The following ASPSCR1 variants were observed in gnomAD, a reference collection of about 807,000 sequenced individuals.
The protein encoded by ASPSCR1 is tether containing UBX domain for GLUT4.
Under a neutral mutation model 68.9 loss-of-function variants are expected in ASPSCR1, and 55 were observed. The observed-to-expected ratio is 0.80, with a 90% CI of 0.64 to 1.00. ASPSCR1 has a LOEUF of 1.00. Among genes scored for constraint, ASPSCR1 ranks in the 50% least tolerant of loss-of-function variants. ASPSCR1 has a pLI of 0.00. For synonymous variants in ASPSCR1, 352 were observed against 332.6 expected, an observed-to-expected ratio of 1.06 and a Z score of -0.63; for missense variants, 765 against 762.2, an observed-to-expected ratio of 1.00 and a Z score of -0.04.
intron 7 of ASPSCR1, among the ~76,000 whole-genome samples, chr17:82,001,809 ACT>A (rs1342662208): frequency 6.6e-6 from 1 of 151,698 alleles, no homozygotes; most frequent in Non-Finnish European, 1.5e-5. Context: ...CAGCCTCCAG[ACT>A]CTGCCCTGCG....
Position 81,977,793 on chromosome 17 carries a change from G to A in ASPSCR1, c.102+45G>A, listed in dbSNP as rs1472599759. ...GCGGACGGGTAGGCGGGCGGGGGGC[G>A]CTGCGCCGAGGCCCCGCCCATTGCG... On this transcript the variant is annotated intron_variant, in intron 1 of 15. Coordinates refer to ENST00000306739, the MANE Select transcript of ASPSCR1 (RefSeq NM_024083.4). The surrounding 1 kb of genome is among the most constrained non-coding windows in gnomAD (Gnocchi z 5.0). 6.7e-6 allele frequency: 8 copies of A among 1,192,430 alleles called. No homozygotes were observed. The East Asian group carries it at 2.1e-4, about 31-fold the overall frequency. The allele number at this position is 1,192,430 out of a possible 1,614,324, so 73.9% of individuals were successfully genotyped here.
Position 81,977,659 on chromosome 17 carries a change from GC to G in ASPSCR1, c.14del (p.Ala5GlufsTer20). The G allele has an allele frequency of 7.2e-7, 1 of 1,396,656 alleles. No homozygotes were observed. Among genetic ancestry groups the G allele is most frequent in the South Asian group, 1.4e-5 (1 of 69,020 alleles). The allele number at this position is 1,396,656 out of a possible 1,614,324, so 86.5% of individuals were successfully genotyped here. On this transcript the variant is annotated frameshift_variant, in exon 1 of 16. Coordinates refer to ENST00000306739, the MANE Select transcript of ASPSCR1 (RefSeq NM_024083.4). LOFTEE classifies it high-confidence loss of function. This position sits in a 1 kb window ranked among gnomAD's most constrained non-coding sequence, Gnocchi z 5.0. MAAPAGGGGSAVSVL... is the reference protein window; with the variant it reads MAAPXGGGGSAVSVL... The stretch of plus-strand genomic sequence containing the variant: ...ACGTGAGCGGAAAATGGCGGCCCCG[GC>G]AGGCGGCGGAGGCTCCGCGGTGTCG...
intron 7 of ASPSCR1, among the ~76,000 whole-genome samples, chr17:81,998,362 G>C (rs2042424641): frequency 6.6e-6 from 1 of 152,252 alleles, no homozygotes; most frequent in South Asian, 2.1e-4. Context: ...GTGGCGTCTT[G>C]GTTTCTGTCG....
In ASPSCR1 at chr17:81,989,933, G is replaced by A. The variant is rs972610162; in HGVS notation, c.374+4326G>A. Among the ~76,000 whole-genome samples the A allele has an allele frequency of 5.3e-5, 8 of 152,206 alleles. No homozygotes were observed. The East Asian group carries it at 1.3e-3, about 26-fold the overall frequency. ...CACCTGAGTAGCTGGGATTACTGGC[G>A]CACGCCATCACGCCTGGCTAATTTT... On this transcript the variant is annotated intron_variant, in intron 4 of 15. Coordinates refer to ENST00000306739, the MANE Select transcript of ASPSCR1 (RefSeq NM_024083.4).
chr17:81,996,276 T>G (rs963996232), intron 6 of ASPSCR1, 144 bp from the exon 7 acceptor site: 3 of 1,310,516 alleles, frequency 2.3e-6, no homozygotes, highest in Non-Finnish European at 2.9e-6. Flanking sequence ...CGGTGGATCT[T>G]GGGAGGGCGC....
Position 81,986,972 on chromosome 17 carries a change from C to T in ASPSCR1, c.374+1365C>T, listed in dbSNP as rs571657886. Among the ~76,000 whole-genome samples the T allele has an allele frequency of 5.3e-5, 8 of 152,250 alleles. No individual in the cohort carries two copies. Among genetic ancestry groups the T allele is most frequent in the South Asian group, 4.1e-4 (2 of 4,822 alleles). On this transcript the variant is annotated intron_variant, in intron 4 of 15. Coordinates refer to ENST00000306739, the MANE Select transcript of ASPSCR1 (RefSeq NM_024083.4). The surrounding 1 kb of genome is among the most constrained non-coding windows in gnomAD (Gnocchi z 5.2). ...GATGGCAGCGGGTTAAGCACGAGCA[C>T]GGAATTCTCCCTCCCAAAACGGAAC...
intron 4 of ASPSCR1, among the ~76,000 whole-genome samples, chr17:81,988,388 G>A (rs186425713): frequency 6.6e-6 from 1 of 151,814 alleles, no homozygotes; most frequent in Non-Finnish European, 1.5e-5. Context: ...CCGGGAGGCG[G>A]AGGTTGTAGT....
chr17:82,012,471 C>T (rs1414726185), intron 12 of ASPSCR1, among the ~76,000 whole-genome samples, 188 bp downstream of exon 12: 1 of 152,184 alleles, frequency 6.6e-6, no homozygotes, highest in Admixed American at 6.5e-5. Flanking sequence ...GGCTTTCCGG[C>T]CTCCTCTGCT....
chr17:81,995,911 G>T (rs1444451277), intron 5 of ASPSCR1, 81 bp from the exon 6 acceptor site: 28 of 1,403,850 alleles, frequency 2.0e-5, no homozygotes, highest in Non-Finnish European at 2.7e-5. Context: ...TGTGGTCCTG[G>T]TGGTGCCGGT....
Position 82,012,028 on chromosome 17 carries a change from G to A in ASPSCR1, c.1301-203G>A, listed in dbSNP as rs569662075. 40 of 693,698 alleles carry A rather than the reference G, an allele frequency of 5.8e-5. No individual in the cohort carries two copies. The East Asian group carries it at 1.0e-3, about 18-fold the overall frequency. 43.0% of individuals were successfully genotyped at this position (693,698 alleles called of 1,614,324 possible). Reference sequence around the variant, plus strand: ...CCGGGCTGCACGGGTGGTGTCCCCTGCAGGTGGGCCTGCCCCCCACCGGCC... The same window carrying A: ...CCGGGCTGCACGGGTGGTGTCCCCTACAGGTGGGCCTGCCCCCCACCGGCC... On this transcript the variant is annotated intron_variant, in intron 11 of 15. Coordinates refer to ENST00000306739, the MANE Select transcript of ASPSCR1 (RefSeq NM_024083.4).
chr17:82,000,605 A>G (rs2042497636), intron 7 of ASPSCR1, among the ~76,000 whole-genome samples: 1 of 152,242 alleles, frequency 6.6e-6, no homozygotes, highest in South Asian at 2.1e-4. Context: ...CAAGTTTCCC[A>G]TTAATGTTTT....
At chr17:82,000,463 G>A (rs757526444) in intron 7 of ASPSCR1, among the ~76,000 whole-genome samples, 17 of 152,162 alleles carry the variant, frequency 1.1e-4, no homozygotes, top group East Asian at 1.9e-4. Context: ...GCCGCCAGCC[G>A]CACACGCAGA....
At chr17:81,988,155 A>C (rs1164470117) in intron 4 of ASPSCR1, among the ~76,000 whole-genome samples, 1 of 151,594 alleles carries the variant, frequency 6.6e-6, no homozygotes, top group African/African-American at 2.4e-5. Flanking sequence ...TCTCAAAAAA[A>C]AAAAAAAAAG....
At chr17:81,988,929 C>T (rs750468946) in intron 4 of ASPSCR1, among the ~76,000 whole-genome samples, 28 of 152,174 alleles carry the variant, frequency 1.8e-4, no homozygotes, top group African/African-American at 3.1e-4. Context: ...ATTTCCAGGC[C>T]GGGCATGGCG....
rs1311041242 is a variant in ASPSCR1 at position 81,977,786 on chromosome 17, G to T, written c.102+38G>T. 4 of 1,204,372 alleles carry T rather than the reference G, an allele frequency of 3.3e-6. No individual in the cohort carries two copies. The highest frequency in any genetic ancestry group is 3.2e-5 in the African/African-American group (2 of 63,092). The allele number at this position is 1,204,372 out of a possible 1,614,324, so 74.6% of individuals were successfully genotyped here. ...GCCCGGGGCGGACGGGTAGGCGGGC[G>T]GGGGGCGCTGCGCCGAGGCCCCGCC... On this transcript the variant is annotated intron_variant, in intron 1 of 15. Coordinates refer to ENST00000306739, the MANE Select transcript of ASPSCR1 (RefSeq NM_024083.4). The surrounding 1 kb of genome is among the most constrained non-coding windows in gnomAD (Gnocchi z 5.0).
In ASPSCR1 at chr17:81,989,944, C is replaced by T. The variant is rs552168285; in HGVS notation, c.374+4337C>T. ...CTGGGATTACTGGCGCACGCCATCA[C>T]GCCTGGCTAATTTTTGTATTTTTTT... On this transcript the variant is annotated intron_variant, in intron 4 of 15. Coordinates refer to ENST00000306739, the MANE Select transcript of ASPSCR1 (RefSeq NM_024083.4). 5.9e-5 allele frequency among the ~76,000 whole-genome samples: 9 copies of T among 152,328 alleles called. No homozygotes were observed. In the South Asian group the frequency reaches 6.2e-4, roughly 11 times the overall value.
Position 81,996,543 on chromosome 17 carries a change from C to A in ASPSCR1, c.630C>A (p.Gly210=). ...TGGAATCTGGGGAGCTCAGCCGCGG[C>A]GACTTGAGCCGTCCGGAGGACGCGG... is the stretch of plus-strand genomic sequence containing the variant. ...LPLESGELSR[G]DLSRPEDADT... The change falls in exon 7 of 16, where the codon GGC becomes GGA. Residue 210 remains glycine (G), a synonymous_variant. Transcript: ENST00000306739. The A allele has an allele frequency of 6.2e-7, 1 of 1,612,866 alleles. No homozygotes were observed.
intron 3 of ASPSCR1, 73 bp from the exon 4 acceptor site, chr17:81,985,434 G>A (rs542107735): frequency 5.7e-5 from 86 of 1,499,928 alleles, no homozygotes; most frequent in Admixed American, 2.9e-4. Context: ...TGTGTCTGGA[G>A]AATCAGTCTG....
chr17:81,995,878 G>A (rs1229439747), intron 5 of ASPSCR1, 114 bp from the exon 6 acceptor site: 1 of 979,364 alleles, frequency 1.0e-6, no homozygotes, highest in Non-Finnish European at 1.6e-6. Context: ...GGGTAGGATG[G>A]AGGCCAGAGA....
Sources: gnomAD v4.1 joint callset for allele counts (sites outside exome capture counted in the v4.1 genomes callset) on GRCh38, gnomAD v4.1.1 for gene constraint, Gnocchi (gnomAD v3.1) non-coding constraint, MANE v1.5 for transcripts, NCBI Gene and HGNC (gene_info 2026-07-23, HGNC 2026-07-21) for gene names.